Variants in CFAP251 observed in about 807,000 individuals in gnomAD.
CFAP251 encodes the protein cilia and flagella associated protein 251, also known as cilia- and flagella-associated protein 251.
CFAP251 carries 93 observed loss-of-function variants against 126.7 expected under a neutral mutation model. The ratio of observed to expected loss-of-function variants is 0.73; its 90% CI spans 0.62 to 0.87. CFAP251 has a LOEUF of 0.87. CFAP251 is among the 40% of genes least tolerant of loss of function. CFAP251 has a pLI of 0.00. For synonymous variants in CFAP251, 503 were observed against 506.9 expected, an observed-to-expected ratio of 0.99 and a Z score of 0.10; for missense variants, 1,287 against 1,389.2, an observed-to-expected ratio of 0.93 and a Z score of 1.17.
intron 3 of CFAP251, among the ~76,000 whole-genome samples, chr12:121,930,355 T>G (rs557251637): frequency 6.6e-6 from 1 of 151,926 alleles, no homozygotes; most frequent in Admixed American, 6.6e-5. Flanking sequence ...GATGTGGTGG[T>G]GCATGCCTGT....
Position 121,980,339 on chromosome 12 carries a change from C to T in CFAP251, c.3006+4654C>T, listed in dbSNP as rs77805940. Among the ~76,000 whole-genome samples, 904 of 152,122 alleles carry T rather than the reference C, an allele frequency of 5.9e-3. 19 individuals are homozygous for T. In the East Asian group the frequency reaches 0.078, roughly 13 times the overall value. On this transcript the variant is annotated intron_variant, in intron 19 of 21. Coordinates refer to ENST00000288912, the MANE Select transcript of CFAP251 (RefSeq NM_144668.6). ...CAGTCGCACCCAGGACCACTCTGAG[C>T]AGGTGGCGTGGCTTCCACGGAATTC...
At chr12:121,965,044 G>T (rs1776147161) in intron 15 of CFAP251, among the ~76,000 whole-genome samples, 1 of 152,188 alleles carries the variant, frequency 6.6e-6, no homozygotes, top group South Asian at 2.1e-4. Flanking sequence ...CATCTTGTAA[G>T]CTGTAGGAAT....
intron 4 of CFAP251, chr12:121,932,192 A>T (rs1880719745): frequency 5.6e-6 from 1 of 177,326 alleles, no homozygotes; most frequent in African/African-American, 2.4e-5. Flanking sequence ...GATATAACAC[A>T]AAGGGCAGCT....
At chr12:121,968,449 A>G (rs1169035174) in intron 17 of CFAP251, among the ~76,000 whole-genome samples, 1 of 152,036 alleles carries the variant, frequency 6.6e-6, no homozygotes, top group African/African-American at 2.4e-5. Context: ...ACATATCCAC[A>G]CCTGCTAGAA....
intron 15 of CFAP251, among the ~76,000 whole-genome samples, chr12:121,964,588 G>A (rs763992214): frequency 1.3e-5 from 2 of 152,306 alleles, no homozygotes; most frequent in Non-Finnish European, 2.9e-5. Context: ...TGATACTCAC[G>A]TAACATAAAA....
chr12:122,003,608 A>C (rs1883193499), intron 21 of CFAP251, 44 bp from the exon 22 acceptor site: 2 of 1,499,148 alleles, frequency 1.3e-6, no homozygotes, highest in African/African-American at 1.4e-5. Context: ...AAAGAAACAT[A>C]ATCATCATGA....
chr12:121,983,826 A>G (rs1882684704), intron 19 of CFAP251, among the ~76,000 whole-genome samples: 1 of 152,078 alleles, frequency 6.6e-6, no homozygotes, highest in African/African-American at 2.4e-5. Context: ...TGATTAGCTG[A>G]TGAGTTAGTT....
Position 121,974,369 on chromosome 12 carries a change from G to A in CFAP251, c.2772-875G>A, listed in dbSNP as rs965173299. Among the ~76,000 whole-genome samples, 6 of 152,144 alleles carry A rather than the reference G, an allele frequency of 3.9e-5. No homozygotes were observed. Among genetic ancestry groups the A allele is most frequent in the African/African-American group, 1.2e-4 (5 of 41,428 alleles). ...AAACAGACTAGAATACCGTGTCTGC[G>A]TTTATTTATTAATTCTTACAACAAT... On this transcript the variant is annotated intron_variant, in intron 17 of 21. Transcript: ENST00000288912. This position sits in a 1 kb window ranked among gnomAD's most constrained non-coding sequence, Gnocchi z 4.6.
chr12:121,951,523 C>G lies in CFAP251; in HGVS notation c.1313C>G (p.Thr438Ser). 6.3e-7 allele frequency: 1 copy of G among 1,582,988 alleles called. No individual in the cohort carries two copies. Among genetic ancestry groups the G allele is most frequent in the Non-Finnish European group, 8.6e-7 (1 of 1,156,224 alleles). The change falls in exon 9 of 22, where the codon ACT (threonine) becomes AGT (serine). Residue 438 changes from threonine (T) to serine (S), a missense_variant. Coordinates refer to ENST00000288912, the MANE Select transcript of CFAP251 (RefSeq NM_144668.6). ...DTLAHSAPLLTEKTFNKLVGK... is the reference protein window; with the variant it reads ...DTLAHSAPLLSEKTFNKLVGK... ...CTGGCTCACAGTGCCCCACTTTTAA[C>G]TGAAAAAGTGAGTATGCCTATTGCA... is the stretch of plus-strand genomic sequence containing the variant.
At chr12:121,981,985 T>G (rs941557081) in intron 19 of CFAP251, among the ~76,000 whole-genome samples, 2 of 152,232 alleles carry the variant, frequency 1.3e-5, no homozygotes, top group African/African-American at 4.8e-5. Flanking sequence ...GTTAAATGTT[T>G]AAAAATGTCA....
At chr12:121,986,425 GTAGCTGGGAC>G (rs1315082446) in intron 19 of CFAP251, among the ~76,000 whole-genome samples, 1 of 151,306 alleles carries the variant, frequency 6.6e-6, no homozygotes, top group Non-Finnish European at 1.5e-5. Flanking sequence ...AGCCTCCTGA[GTAGCTGGGAC>G]TACAGGCACC....
In CFAP251 at chr12:121,923,871, C is replaced by A; in HGVS notation, c.628C>A (p.Gln210Lys). Reference protein sequence around the residue: ...DLEPENREEGQERRVSDIQSK... With the variant: ...DLEPENREEGKERRVSDIQSK... The stretch of plus-strand genomic sequence containing the variant: ...GGAGCCAGAAAACAGAGAGGAGGGA[C>A]AAGAAAGGAGAGTATCCGACATCCA... The change falls in exon 3 of 22, where the codon CAA becomes AAA. Residue 210 changes from glutamine to lysine, a missense_variant. Gln to Lys is a moderately conservative substitution (Grantham distance 53, BLOSUM62 1). Transcript: ENST00000288912. 1 of 1,614,074 alleles carries A rather than the reference C, an allele frequency of 6.2e-7. No individual in the cohort carries two copies. Among genetic ancestry groups the A allele is most frequent in the Non-Finnish European group, 8.5e-7 (1 of 1,180,022 alleles).
rs576172581 is a variant in CFAP251, at chr12:121,969,624, C to A, written c.2771+1455C>A. On this transcript the variant is annotated intron_variant, in intron 17 of 21. Transcript: ENST00000288912. ...CCTCAGCCTCCTGAGTAGCTGGGAC[C>A]ACAGGCATATGCCAATGTGCCTGGC... 24 of 754,052 alleles carry A rather than the reference C, an allele frequency of 3.2e-5. No homozygotes were observed. In the East Asian group the frequency reaches 1.9e-3, roughly 61 times the overall value. The allele number at this position is 754,052 out of a possible 1,614,324, so 46.7% of individuals were successfully genotyped here.
chr12:121,977,529 G>A (rs1194197405), intron 19 of CFAP251, among the ~76,000 whole-genome samples: 13 of 152,040 alleles, frequency 8.6e-5, no homozygotes, highest in East Asian at 5.8e-4. Flanking sequence ...GCATGGTGGC[G>A]CACGCCTGTA....
intron 10 of CFAP251, 122 bp downstream of exon 10, chr12:121,954,456 G>A (rs1256439172): frequency 1.1e-6 from 1 of 894,374 alleles, no homozygotes; most frequent in African/African-American, 1.7e-5. Flanking sequence ...GCTGAGGTGG[G>A]AGGATCACAT....
rs1214774216 is a variant in CFAP251, at chr12:121,934,233, C to T, written c.889-14C>T. On this transcript the variant is annotated splice_polypyrimidine_tract_variant and intron_variant, in intron 4 of 21. Coordinates refer to ENST00000288912, the MANE Select transcript of CFAP251 (RefSeq NM_144668.6). ...TCTTGGATGTTTCAAAGCGTTTTCT[C>T]TCCATTTCCATAGGGCCACGCCAAT... The T allele has an allele frequency of 1.9e-6, 3 of 1,609,846 alleles. No individual in the cohort carries two copies. The highest frequency in any genetic ancestry group is 1.3e-5 in the African/African-American group (1 of 74,988).
chr12:121,921,480 G>A lies in CFAP251; in HGVS notation c.175G>A (p.Glu59Lys), dbSNP rs201510168. The stretch of plus-strand genomic sequence containing the variant: ...TCAGGAGGAGGAGAGGAAAACGGGC[G>A]AGGAGGAAGGGGAGGAGGAGGGGAA... The part of the protein sequence containing the change: ...ESQEEERKTG[E>K]EEGEEEGKED... The change falls in exon 2 of 22, where the codon GAG becomes AAG. Residue 59 changes from glutamate to lysine, a missense_variant. Glu to Lys is a moderately conservative substitution (Grantham distance 56). Transcript: ENST00000288912. The A allele has an allele frequency of 3.7e-6, 6 of 1,612,300 alleles. No individual in the cohort carries two copies. The Admixed American group carries it at 5.0e-5, about 14-fold the overall frequency.
chr12:121,995,029 C>T (rs562453538), intron 19 of CFAP251, among the ~76,000 whole-genome samples: 2 of 152,260 alleles, frequency 1.3e-5, no homozygotes, highest in African/African-American at 4.8e-5. Context: ...ATGTGTTAGG[C>T]ATTATGTTAA....
rs575232491 is a variant in CFAP251 at position 121,924,584 on chromosome 12, C to T, written c.747+594C>T. Among the ~76,000 whole-genome samples, 18 of 152,182 alleles carry T rather than the reference C, an allele frequency of 1.2e-4. No individual in the cohort carries two copies. In the South Asian group the frequency reaches 3.7e-3, roughly 32 times the overall value. On this transcript the variant is annotated intron_variant, in intron 3 of 21. Coordinates refer to ENST00000288912, the MANE Select transcript of CFAP251 (RefSeq NM_144668.6). ...AGTAGCTGGGATTACAGGCGCCTGC[C>T]ACCATGCCTGGCTTTTTTTGTATTT... is the stretch of plus-strand genomic sequence containing the variant.
Sources: allele counts gnomAD v4.1 joint callset (sites outside exome capture counted in the v4.1 genomes callset), GRCh38; gene constraint gnomAD v4.1.1; non-coding constraint Gnocchi (gnomAD v3.1); transcripts MANE v1.5; gene names NCBI Gene and HGNC (gene_info 2026-07-23, HGNC 2026-07-21).